The following STARD13 variants were observed in gnomAD, a reference collection of about 807,000 sequenced individuals.
STARD13 encodes stAR-related lipid transfer protein 13.
Under a neutral mutation model 106.4 loss-of-function variants are expected in STARD13, and 62 were observed. The observed-to-expected ratio is 0.58, with a 90% CI of 0.48 to 0.72. The LOEUF is 0.72. STARD13 is among the 30% of genes least tolerant of loss of function. STARD13 has a pLI of 0.00. For missense variants in STARD13, 1,387 were observed against 1,424.0 expected (o/e 0.97, Z 0.42); for synonymous variants, 565 against 553.0 (o/e 1.02, Z -0.31).
chr13:33,221,954 T>C (rs969993168), intron 1 of STARD13, among the ~76,000 whole-genome samples: 5 of 152,196 alleles, frequency 3.3e-5, no homozygotes, highest in Non-Finnish European at 5.9e-5. Flanking sequence ...ATCGAGACCA[T>C]CCTGGCCAAC....
At chr13:33,657,888 A>C in the STARD13 span, among the ~76,000 whole-genome samples, 1 of 152,230 alleles carries the variant, frequency 6.6e-6, no homozygotes, top group African/African-American at 2.4e-5. Flanking sequence ...TATGGTGTAT[A>C]GTGTATTTTT....
chr13:33,264,418 T>G (rs563126703), intron 1 of STARD13, among the ~76,000 whole-genome samples: 5 of 152,308 alleles, frequency 3.3e-5, no homozygotes, highest in Admixed American at 2.6e-4. Flanking sequence ...ACTTGGGTCC[T>G]GTTGGTTTAG....
Position 33,136,083 on chromosome 13 carries a change from T to C in STARD13, c.388-5794A>G, listed in dbSNP as rs561564768. On this transcript the variant is annotated intron_variant, in intron 4 of 13. Transcript: ENST00000336934. ...TTGCAGTGAGCTGAGTTTGCGCCAC[T>C]GCACTGTAGCCTGGGTGATGAAGTG... Among the ~76,000 whole-genome samples, 3 of 151,966 alleles carry C rather than the reference T, an allele frequency of 2.0e-5. No individual in the cohort carries two copies. The East Asian group carries it at 5.8e-4, about 29-fold the overall frequency.
chr13:33,435,705 G>A, the STARD13 span, among the ~76,000 whole-genome samples: 1 of 152,168 alleles, frequency 6.6e-6, no homozygotes, highest in African/African-American at 2.4e-5. Flanking sequence ...ATTTAGGCAA[G>A]CTTCTTGAAG....
the STARD13 span, among the ~76,000 whole-genome samples, chr13:33,403,849 C>G: frequency 4.6e-4 from 70 of 152,264 alleles, no homozygotes; most frequent in African/African-American, 1.7e-3. Flanking sequence ...ATACCCAGAA[C>G]CTTCACTTGC....
chr13:33,267,563 C>A (rs1285780465), intron 1 of STARD13, among the ~76,000 whole-genome samples: 2 of 152,158 alleles, frequency 1.3e-5, no homozygotes, highest in African/African-American at 4.8e-5. Context: ...ATCCCAAGGA[C>A]CTGAGAGCAC....
At chr13:33,384,340 GC>G in the STARD13 span, among the ~76,000 whole-genome samples, 1 of 152,160 alleles carries the variant, frequency 6.6e-6, no homozygotes, top group African/African-American at 2.4e-5. Context: ...CTGTCATGTT[GC>G]CAGCCAAGCT....
At chr13:33,211,700 A>G (rs1887725638) in intron 1 of STARD13, among the ~76,000 whole-genome samples, 1 of 152,230 alleles carries the variant, frequency 6.6e-6, no homozygotes, top group Non-Finnish European at 1.5e-5. Flanking sequence ...GACAAGGGAA[A>G]GAAGTCTGTA....
At chr13:33,354,958 C>T (rs1485170576), upstream of STARD13, among the ~76,000 whole-genome samples, 1 of 151,336 alleles carries the variant, frequency 6.6e-6, no homozygotes, top group Non-Finnish European at 1.5e-5. Context: ...TTTCACTAAG[C>T]AGTAGATTGT....
At chr13:33,308,520 C>CTTTTT (rs552526416) in intron 1 of STARD13, among the ~76,000 whole-genome samples, 424 of 88,462 alleles carry the variant, frequency 4.8e-3, no homozygotes, top group Middle Eastern at 7.8e-3. Context: ...CTTTTTCTTT[C>CTTTTT]TTTTTTTTTT....
chr13:33,148,051 T>A (rs1289637024), intron 3 of STARD13, among the ~76,000 whole-genome samples: 1 of 152,238 alleles, frequency 6.6e-6, no homozygotes, highest in African/African-American at 2.4e-5. Flanking sequence ...AGACCTTATA[T>A]CATCACAAAA....
the STARD13 span, among the ~76,000 whole-genome samples, chr13:33,393,171 A>T: frequency 5.9e-5 from 9 of 152,222 alleles, no homozygotes; most frequent in Admixed American, 5.9e-4. Flanking sequence ...TGCTTACACA[A>T]GCCACTACTG....
At chr13:33,172,710 A>G (rs1224590635) in intron 1 of STARD13, among the ~76,000 whole-genome samples, 1 of 152,236 alleles carries the variant, frequency 6.6e-6, no homozygotes, top group Non-Finnish European at 1.5e-5. Context: ...TCAATAGCTC[A>G]CTGAAAGGTA....
In STARD13 at chr13:33,129,608, T is replaced by C. The variant is rs777820090; in HGVS notation, c.1069A>G (p.Asn357Asp). 4 of 1,614,070 alleles carry C rather than the reference T, an allele frequency of 2.5e-6. No homozygotes were observed. In the Admixed American group the frequency reaches 6.7e-5, roughly 27 times the overall value. ...TCCAAGTACATGCCCCCGCGCTTGT[T>C]GGCCTCGTGGCACTTGCGTTCCTTC... Reference protein sequence around the residue: ...CLKERKCHEANKRGGMYLEDL... With the variant: ...CLKERKCHEADKRGGMYLEDL... The change falls in exon 5 of 14, where the codon AAC becomes GAC. Residue 357 changes from asparagine (N) to aspartate (D), a missense_variant. Coordinates refer to ENST00000336934, the MANE Select transcript of STARD13 (RefSeq NM_178006.4).
intron 1 of STARD13, among the ~76,000 whole-genome samples, chr13:33,294,150 A>G (rs760305191): frequency 1.4e-4 from 21 of 152,210 alleles, no homozygotes; most frequent in Non-Finnish European, 2.5e-4. Flanking sequence ...AATTTTAGTA[A>G]TATCTACCTT....
the STARD13 span, among the ~76,000 whole-genome samples, chr13:33,518,594 T>C: frequency 6.6e-6 from 1 of 151,776 alleles, no homozygotes; most frequent in Admixed American, 6.6e-5. Context: ...GTCTTAACTG[T>C]AGAGAAGGAA....
intron 1 of STARD13, chr13:33,205,816 T>A: frequency 7.1e-6 from 7 of 981,978 alleles, no homozygotes; most frequent in Non-Finnish European, 7.3e-6. Context: ...AACACAAACT[T>A]ACTTTGTTTA....
chr13:33,518,755 A>T, the STARD13 span, among the ~76,000 whole-genome samples: 3 of 152,226 alleles, frequency 2.0e-5, no homozygotes, highest in Admixed American at 1.3e-4. Flanking sequence ...CAAGACGCTG[A>T]TATTTATGGC....
At chr13:33,633,275 A>G in the STARD13 span, among the ~76,000 whole-genome samples, 1 of 152,160 alleles carries the variant, frequency 6.6e-6, no homozygotes, top group African/African-American at 2.4e-5. Flanking sequence ...CCTCTTTTTT[A>G]TGGTACATAA....
Sources: gnomAD v4.1 joint callset for allele counts (sites outside exome capture counted in the v4.1 genomes callset) on GRCh38, gnomAD v4.1.1 for gene constraint, MANE v1.5 for transcripts, NCBI Gene and HGNC (gene_info 2026-07-23, HGNC 2026-07-21) for gene names.